ERBB4: variants seen among roughly 807,000 people sequenced by gnomAD.
The protein encoded by ERBB4 is erb-b2 receptor tyrosine kinase 4.
A neutral mutation model predicts 158.0 loss-of-function variants in ERBB4; 42 were observed. The ratio of observed to expected loss-of-function variants is 0.27; its 90% CI spans 0.21 to 0.34. ERBB4 has a LOEUF of 0.34. Ranked by LOEUF, ERBB4 falls within the 10% of genes least tolerant of loss-of-function variation. ERBB4 has a pLI of 1.00. For synonymous variants in ERBB4, 583 were observed against 558.7 expected, an observed-to-expected ratio of 1.04 and a Z score of -0.61; for missense variants, 1,333 against 1,624.1, an observed-to-expected ratio of 0.82 and a Z score of 3.08.
In ERBB4 at chr2:211,580,810, AT is replaced by A. The variant is rs1559317099; in HGVS notation, c.2302-18723del. ...GTGATATATATATATATATATATAT[AT>A]AATATATATATATTATATATATAGA... On this transcript the variant is annotated intron_variant, in intron 19 of 27. Transcript: ENST00000342788. Among the ~76,000 whole-genome samples, 107 of 50,584 alleles carry A rather than the reference AT, an allele frequency of 2.1e-3. 5 individuals carry two copies. The Admixed American group carries it at 0.025, about 12-fold the overall frequency. 33.2% of individuals were successfully genotyped at this position (50,584 alleles called of 152,430 possible). A position where few individuals can be genotyped will look rare whatever the true frequency, so the allele number is the denominator to read the frequency against.
At chr2:211,439,410 A>T (rs1012187401) in intron 20 of ERBB4, among the ~76,000 whole-genome samples, 6 of 152,204 alleles carry the variant, frequency 3.9e-5, no homozygotes, top group South Asian at 4.1e-4. Flanking sequence ...AAAGCCTTCA[A>T]CGTTTATTAT....
chr2:212,493,781 C>G (rs1690412763), intron 1 of ERBB4, among the ~76,000 whole-genome samples: 1 of 151,690 alleles, frequency 6.6e-6, no homozygotes, highest in Non-Finnish European at 1.5e-5. Context: ...GTCTTCATTA[C>G]AAAATGTGAT....
At chr2:211,902,340 AAAC>A (rs1270411409) in intron 3 of ERBB4, among the ~76,000 whole-genome samples, 4 of 152,090 alleles carry the variant, frequency 2.6e-5, no homozygotes, top group Non-Finnish European at 5.9e-5. Context: ...CACAGAAATA[AAAC>A]AACAAGCAAG....
At chr2:212,497,814 A>G (rs1363833406) in intron 1 of ERBB4, among the ~76,000 whole-genome samples, 1 of 152,236 alleles carries the variant, frequency 6.6e-6, no homozygotes, top group South Asian at 2.1e-4. Flanking sequence ...GCCAGTGACC[A>G]AATTCAGCCA....
At chr2:212,472,521 T>C (rs1394908344) in intron 1 of ERBB4, among the ~76,000 whole-genome samples, 1 of 151,804 alleles carries the variant, frequency 6.6e-6, no homozygotes, top group Non-Finnish European at 1.5e-5. Context: ...TTGAGATGTT[T>C]TGAGTTCCAT....
chr2:212,304,775 TAG>T (rs2086747582), intron 1 of ERBB4, among the ~76,000 whole-genome samples: 1 of 151,382 alleles, frequency 6.6e-6, no homozygotes, highest in Admixed American at 6.6e-5. Flanking sequence ...TAAAGTTCTT[TAG>T]AGCAATTTCA....
intron 1 of ERBB4, among the ~76,000 whole-genome samples, chr2:212,327,728 CTTTTTTT>C (rs11413473): frequency 1.5e-5 from 2 of 133,358 alleles, no homozygotes; most frequent in South Asian, 2.4e-4. Context: ...TTCTTTTTTT[CTTTTTTT>C]TTTTTTGTAG....
At chr2:212,133,415 TTGTTTTTG>T (rs1319095802) in intron 1 of ERBB4, among the ~76,000 whole-genome samples, 41 of 145,760 alleles carry the variant, frequency 2.8e-4, no homozygotes, top group Middle Eastern at 3.5e-3. Context: ...TTGTTTTGTT[TTGTTTTTG>T]TTTTTTTTTT....
intron 20 of ERBB4, among the ~76,000 whole-genome samples, chr2:211,512,158 T>C (rs2065899357): frequency 6.6e-6 from 1 of 152,168 alleles, no homozygotes; most frequent in African/African-American, 2.4e-5. Flanking sequence ...TCACTGACTC[T>C]TGTGAACTGC....
At chr2:211,583,370 A>G (rs998627893) in intron 19 of ERBB4, among the ~76,000 whole-genome samples, 4 of 151,934 alleles carry the variant, frequency 2.6e-5, no homozygotes, top group Non-Finnish European at 4.4e-5. Context: ...GGTGGTAAAA[A>G]AGTTGAGAGG....
intron 16 of ERBB4, among the ~76,000 whole-genome samples, chr2:211,635,093 G>A (rs1305348411): frequency 6.6e-6 from 1 of 152,120 alleles, no homozygotes; most frequent in Non-Finnish European, 1.5e-5. Flanking sequence ...TTTAACAGGA[G>A]TATTGCAATT....
intron 2 of ERBB4, among the ~76,000 whole-genome samples, chr2:212,098,258 A>C (rs909932121): frequency 2.0e-5 from 3 of 152,224 alleles, no homozygotes; most frequent in African/African-American, 7.2e-5. Flanking sequence ...CAACCCTCAA[A>C]GAAGAAATTG....
chr2:211,981,101 C>G (rs966824372), intron 2 of ERBB4, among the ~76,000 whole-genome samples: 2 of 151,942 alleles, frequency 1.3e-5, no homozygotes, highest in African/African-American at 4.8e-5. Flanking sequence ...TCTACAGAAA[C>G]CACTTAACCA....
intron 25 of ERBB4, among the ~76,000 whole-genome samples, chr2:211,392,695 G>C (rs1377222875): frequency 1.3e-5 from 2 of 151,946 alleles, no homozygotes; most frequent in African/African-American, 4.8e-5. Context: ...TCGAGATGGA[G>C]TCTTGCTCTG....
chr2:211,861,041 T>TCA lies in ERBB4; in HGVS notation c.422-72883_422-72882insTG, dbSNP rs2078009876. On this transcript the variant is annotated intron_variant, in intron 3 of 27. Transcript: ENST00000342788. ...TTATATATATATAAATATAATATAT[T>TCA]TATATATTTATATATATATAAATAT... Among the ~76,000 whole-genome samples, 7 of 25,568 alleles carry TCA rather than the reference T, an allele frequency of 2.7e-4. No individual in the cohort carries two copies. The South Asian group carries it at 3.6e-3, about 13-fold the overall frequency. 16.8% of individuals were successfully genotyped at this position (25,568 alleles called of 152,430 possible).
chr2:212,391,250 A>G (rs1265900309), intron 1 of ERBB4, among the ~76,000 whole-genome samples: 2 of 151,764 alleles, frequency 1.3e-5, no homozygotes, highest in African/African-American at 4.8e-5. Flanking sequence ...AATTAGAACA[A>G]TAATAAGTTT....
intron 16 of ERBB4, among the ~76,000 whole-genome samples, chr2:211,650,102 T>C (rs998117639): frequency 1.3e-5 from 2 of 151,992 alleles, no homozygotes; most frequent in African/African-American, 4.8e-5. Context: ...CTCAGTTAAT[T>C]ATATTCCCCT....
At chr2:212,192,810 C>G (rs2082312917) in intron 1 of ERBB4, among the ~76,000 whole-genome samples, 1 of 130,256 alleles carries the variant, frequency 7.7e-6, no homozygotes, top group Non-Finnish European at 1.7e-5. Flanking sequence ...AGTGTGATAT[C>G]TGAAAAGTTT....
intron 2 of ERBB4, among the ~76,000 whole-genome samples, chr2:212,035,504 T>A (rs2076992691): frequency 6.6e-6 from 1 of 152,226 alleles, no homozygotes; most frequent in Non-Finnish European, 1.5e-5. Context: ...TTTTCTGATG[T>A]CCCTAGATGA....
Sources: allele counts gnomAD v4.1 joint callset (sites outside exome capture counted in the v4.1 genomes callset), GRCh38; gene constraint gnomAD v4.1.1; transcripts MANE v1.5; gene names NCBI Gene and HGNC (gene_info 2026-07-23, HGNC 2026-07-21).